The following ARMC10 variants were observed in gnomAD, a reference collection of about 807,000 sequenced individuals.
ARMC10 encodes the protein armadillo repeat containing 10.
In ARMC10, 23 loss-of-function variants were observed where a neutral mutation model predicts 30.2. That is an observed-to-expected ratio of 0.76 (90% CI 0.55 to 1.08). The LOEUF is 1.08. Ranked by LOEUF, ARMC10 falls within the 50% of genes least tolerant of loss-of-function variation. The pLI, the probability that ARMC10 is intolerant of heterozygous loss-of-function variation, is 0.00. For missense variants in ARMC10, 303 were observed against 413.7 expected (o/e 0.73, Z 2.32); for synonymous variants, 111 against 164.4 (o/e 0.68, Z 2.48).
chr7:103,086,700 A>C lies in ARMC10; in HGVS notation c.464A>C (p.Lys155Thr). The change falls in exon 4 of 7, where the codon AAA becomes ACA. Residue 155 changes from lysine (K) to threonine (T), a missense_variant. By Grantham distance (78) the Lys-to-Thr change is moderately conservative. This residue lies in a region of ARMC10 where 170 missense variants were observed against 207.2 expected (regional missense o/e 0.82). Transcript: ENST00000323716. The stretch of plus-strand genomic sequence containing the variant: ...ATCAACCATTCCAACCAGAGTATTA[A>C]AGAGAAAGCTTTAAATGCACTAAAT... ...NKINHSNQSI[K>T]EKALNALNNL... The C allele has an allele frequency of 1.3e-6, 2 of 1,597,792 alleles. No homozygotes were observed. The highest frequency in any genetic ancestry group is 1.7e-6 in the Non-Finnish European group (2 of 1,176,208).
At chr7:103,097,245 G>C in intron 5 of ARMC10, 32 bp from the exon 6 acceptor site, 3 of 1,577,130 alleles carry the variant, frequency 1.9e-6, no homozygotes. Flanking sequence ...ATGCTTGCCA[G>C]TCTGAGATAA....
intron 2 of ARMC10, 76 bp downstream of exon 2, chr7:103,075,957 C>A: frequency 8.5e-7 from 1 of 1,169,676 alleles, no homozygotes. Flanking sequence ...GATTCGGTTT[C>A]TGTCCAAAAG....
At chr7:103,083,523 G>A (rs1374280596) in intron 2 of ARMC10, among the ~76,000 whole-genome samples, 159 bp from the exon 3 acceptor site, 2 of 152,180 alleles carry the variant, frequency 1.3e-5, no homozygotes, top group South Asian at 2.1e-4. Context: ...CTACTTGGGA[G>A]GCTGAGGCAG....
At chr7:103,097,967 G>GA (rs1242262681) in intron 6 of ARMC10, among the ~76,000 whole-genome samples, 1 of 152,146 alleles carries the variant, frequency 6.6e-6, no homozygotes, top group Non-Finnish European at 1.5e-5. Context: ...GAGTTCCCAT[G>GA]AAAACCGTAT....
chr7:103,079,394 A>C (rs1339935021), intron 2 of ARMC10, among the ~76,000 whole-genome samples: 1 of 152,240 alleles, frequency 6.6e-6, no homozygotes, highest in Non-Finnish European at 1.5e-5. Flanking sequence ...AGGAATAAAT[A>C]GAAGGAAATG....
rs777053780 is a variant in ARMC10, at chr7:103,092,657, T to C, written c.705+4T>C. 1 of 1,557,730 alleles carries C rather than the reference T, an allele frequency of 6.4e-7. No homozygotes were observed. The highest frequency in any genetic ancestry group is 1.2e-5 in the South Asian group (1 of 86,232). On this transcript the variant is annotated splice_donor_region_variant and intron_variant, in intron 5 of 6. Coordinates refer to ENST00000323716, the MANE Select transcript of ARMC10 (RefSeq NM_031905.5). ...TACTGGAAATGGAAACACGAAGGTATGAAGAGCTATTGTGTCAAGCTTATT... is the reference window on the plus strand; with the variant it reads ...TACTGGAAATGGAAACACGAAGGTACGAAGAGCTATTGTGTCAAGCTTATT...
Position 103,092,092 on chromosome 7 carries a change from G to A in ARMC10, c.529-385G>A, listed in dbSNP as rs190459437. Among the ~76,000 whole-genome samples the A allele has an allele frequency of 2.2e-3, 331 of 152,256 alleles. 2 individuals are homozygous for A. Among genetic ancestry groups the A allele is most frequent in the Middle Eastern group, 0.02 (6 of 294 alleles). On this transcript the variant is annotated intron_variant, in intron 4 of 6. Coordinates refer to ENST00000323716, the MANE Select transcript of ARMC10 (RefSeq NM_031905.5). ...TCACGCCTGTAATCCCAGAATTTTG[G>A]GAGGCCGAGGCGGGCGGATCGCGAG...
chr7:103,082,498 T>C (rs1800472384), intron 2 of ARMC10, among the ~76,000 whole-genome samples: 2 of 46,244 alleles, frequency 4.3e-5, no homozygotes, highest in Non-Finnish European at 1.7e-4. Context: ...AACAATTTTA[T>C]TTACTTATTT....
At chr7:103,080,041 AG>A (rs1192505636) in intron 2 of ARMC10, among the ~76,000 whole-genome samples, 2 of 152,092 alleles carry the variant, frequency 1.3e-5, no homozygotes, top group African/African-American at 4.8e-5. Flanking sequence ...GATTTACTGG[AG>A]GAGACCACAA....
intron 4 of ARMC10, chr7:103,088,944 A>G (rs1479190909): frequency 6.5e-6 from 1 of 152,706 alleles, no homozygotes; most frequent in Non-Finnish European, 1.5e-5. Context: ...CCATATGACA[A>G]ACAATTCGCA....
At position 103,097,020 on chromosome 7, in the gene ARMC10, G is replaced by A. The variant is rs1161947962; in HGVS notation, c.706-257G>A. ...ATATTCTCTCTATCTCCCTAACGAT[G>A]TAATTGGAAAAATGAGGTTTAAATA... is the stretch of plus-strand genomic sequence containing the variant. On this transcript the variant is annotated intron_variant, in intron 5 of 6. Coordinates refer to ENST00000323716, the MANE Select transcript of ARMC10 (RefSeq NM_031905.5). The A allele has an allele frequency of 8.1e-6, 4 of 496,558 alleles. No homozygotes were observed. In the East Asian group the frequency reaches 1.2e-4, roughly 15 times the overall value. The allele number at this position is 496,558 out of a possible 1,614,324, so 30.8% of individuals were successfully genotyped here. A position where few individuals can be genotyped will look rare whatever the true frequency, so the allele number is the denominator to read the frequency against.
chr7:103,079,061 A>G (rs570389771), intron 2 of ARMC10, among the ~76,000 whole-genome samples: 1 of 152,340 alleles, frequency 6.6e-6, no homozygotes, highest in African/African-American at 2.4e-5. Context: ...AGAGCATTGA[A>G]AAAGACGGAA....
chr7:103,097,090 T>TA, intron 5 of ARMC10, 187 bp from the exon 6 acceptor site: 2 of 606,634 alleles, frequency 3.3e-6, no homozygotes, highest in Non-Finnish European at 5.9e-6. Context: ...CCAAGTGTTA[T>TA]AAGAGTTCAG....
Position 103,075,801 on chromosome 7 carries a change from AGG to A in ARMC10, c.166_167del (p.Gly56SerfsTer26). The A allele has an allele frequency of 1.2e-6, 2 of 1,610,266 alleles. No individual in the cohort carries two copies. Among genetic ancestry groups the A allele is most frequent in the Non-Finnish European group, 1.7e-6 (2 of 1,178,436 alleles). Reference sequence around the variant, plus strand: ...GGTGCCCTGGAAGAAGGGACGTCAGAGGGTCAGTTGTGCGGGCGCTCGGCCCG... The same window carrying A: ...GGTGCCCTGGAAGAAGGGACGTCAGAGTCAGTTGTGCGGGCGCTCGGCCCG... On this transcript the variant is annotated frameshift_variant, in exon 2 of 7. Transcript: ENST00000323716. LOFTEE classifies it high-confidence loss of function.
chr7:103,086,941 C>A, intron 4 of ARMC10, 177 bp downstream of exon 4: 1 of 1,472,284 alleles, frequency 6.8e-7, no homozygotes. Flanking sequence ...ATAAGAGGTA[C>A]AATAAGACTT....
intron 2 of ARMC10, chr7:103,081,944 C>T: frequency 2.2e-6 from 1 of 456,582 alleles, no homozygotes; most frequent in South Asian, 1.5e-5. Flanking sequence ...TTTTTCATTT[C>T]TGTGGTTTCT....
At chr7:103,080,901 C>T (rs923802622) in intron 2 of ARMC10, among the ~76,000 whole-genome samples, 1 of 152,170 alleles carries the variant, frequency 6.6e-6, no homozygotes, top group Non-Finnish European at 1.5e-5. Flanking sequence ...GCTGGGATTA[C>T]AGGTGTGAGC....
chr7:103,081,871 T>C (rs1285382358), intron 2 of ARMC10: 2 of 456,604 alleles, frequency 4.4e-6, no homozygotes, highest in Admixed American at 4.7e-5. Context: ...AGCCAACCCT[T>C]TTATTTGCAG....
At chr7:103,075,929 C>T (rs932127104) in intron 2 of ARMC10, 48 bp downstream of exon 2, 3 of 1,356,644 alleles carry the variant, frequency 2.2e-6, no homozygotes, top group Non-Finnish European at 3.0e-6. Context: ...GACACACCCT[C>T]CCAGCGGACA....
Sources: gnomAD v4.1 joint callset for allele counts (sites outside exome capture counted in the v4.1 genomes callset) on GRCh38, gnomAD v4.1.1 for gene constraint, gnomAD v4.1.1 regional missense constraint, MANE v1.5 for transcripts, NCBI Gene and HGNC (gene_info 2026-07-23, HGNC 2026-07-21) for gene names.